SOX5: variants seen among roughly 807,000 people sequenced by gnomAD.
SOX5 encodes the protein transcription factor SOX-5.
SOX5 carries 9 observed loss-of-function variants against 92.0 expected under a neutral mutation model. That is an observed-to-expected ratio of 0.10 (90% CI 0.06 to 0.17). The LOEUF (loss-of-function observed/expected upper bound fraction) is 0.17, where lower values mean the gene tolerates loss of function less well. Among genes scored for constraint, SOX5 ranks in the 10% least tolerant of loss-of-function variants. The pLI is 1.00. For missense variants in SOX5, 642 were observed against 944.5 expected, an observed-to-expected ratio of 0.68 and a Z score of 4.20; for synonymous variants, 344 against 336.3, an observed-to-expected ratio of 1.02 and a Z score of -0.25.
At chr12:24,287,256 T>C (rs192356969) in intron 2 of SOX5, among the ~76,000 whole-genome samples, 8 of 152,342 alleles carry the variant, frequency 5.3e-5, no homozygotes, top group Non-Finnish European at 1.5e-5. Context: ...TATTTTTAGT[T>C]AATAAAACAC....
At chr12:24,367,152 GC>G (rs1956257575) in intron 2 of SOX5, among the ~76,000 whole-genome samples, 1 of 151,978 alleles carries the variant, frequency 6.6e-6, no homozygotes, top group African/African-American at 2.4e-5. Context: ...TAATTATGGG[GC>G]CCCTAAAAGT....
chr12:23,839,266 AAGAG>A (rs2096481965), intron 3 of SOX5, among the ~76,000 whole-genome samples: 1 of 152,098 alleles, frequency 6.6e-6, no homozygotes, highest in Non-Finnish European at 1.5e-5. Flanking sequence ...CTTCCAAATT[AAGAG>A]TCTATGTATC....
chr12:23,953,089 T>A (rs1480946117), upstream of SOX5, among the ~76,000 whole-genome samples: 1 of 152,146 alleles, frequency 6.6e-6, no homozygotes, highest in Non-Finnish European at 1.5e-5. Flanking sequence ...TTGAATATTT[T>A]AAAATGTACC....
At chr12:24,282,336 A>G (rs1945308978) in intron 2 of SOX5, among the ~76,000 whole-genome samples, 1 of 152,102 alleles carries the variant, frequency 6.6e-6, no homozygotes, top group Non-Finnish European at 1.5e-5. Context: ...GTGCACATGT[A>G]CCCTAAAACT....
chr12:23,762,940 T>G (rs2094604903), intron 3 of SOX5, among the ~76,000 whole-genome samples: 1 of 152,194 alleles, frequency 6.6e-6, no homozygotes, highest in Non-Finnish European at 1.5e-5. Flanking sequence ...TCATCCACTC[T>G]ATCACTCACA....
intron 1 of SOX5, among the ~76,000 whole-genome samples, chr12:24,470,515 G>A (rs1423374836): frequency 6.6e-6 from 1 of 151,428 alleles, no homozygotes; most frequent in Admixed American, 6.6e-5. Flanking sequence ...CATTCATAAG[G>A]GTGTTTGATC....
Position 24,548,405 on chromosome 12 carries a change from T to C in SOX5, c.-251+13924A>G, listed in dbSNP as rs1952849060. 3.3e-5 allele frequency among the ~76,000 whole-genome samples: 5 copies of C among 152,152 alleles called. 1 individual carries two copies. Among genetic ancestry groups the C allele is most frequent in the Admixed American group, 3.3e-4 (5 of 15,280 alleles). ...AAAGAGTAAAATGTAATTTGGAAAT[T>C]AAGGGATGGGCAGGATTTTAGAATA... On this transcript the variant is annotated intron_variant, in intron 1 of 4. Transcript: ENST00000446891.
chr12:24,052,600 G>A (rs1957670517), intron 4 of SOX5, among the ~76,000 whole-genome samples: 1 of 152,124 alleles, frequency 6.6e-6, no homozygotes, highest in South Asian at 2.1e-4. Context: ...AGCAGTTAGT[G>A]TTGTCAGAAT....
chr12:23,917,688 A>T (rs1188540123), intron 1 of SOX5, among the ~76,000 whole-genome samples: 2 of 152,194 alleles, frequency 1.3e-5, no homozygotes, highest in Admixed American at 6.5e-5. Flanking sequence ...TTTATCAGAA[A>T]TGCTAGATAG....
intron 6 of SOX5, among the ~76,000 whole-genome samples, chr12:23,667,765 A>C (rs2084055667): frequency 6.6e-6 from 1 of 152,206 alleles, no homozygotes; most frequent in African/African-American, 2.4e-5. Context: ...AGTCCCAGTG[A>C]TTGGTTTTTA....
intron 4 of SOX5, among the ~76,000 whole-genome samples, chr12:24,121,141 G>A (rs938630362): frequency 2.0e-5 from 3 of 152,120 alleles, no homozygotes; most frequent in Admixed American, 6.5e-5. Flanking sequence ...ATTCTACGTT[G>A]TAACATTATT....
chr12:24,218,320 T>A (rs2139762400), intron 3 of SOX5, among the ~76,000 whole-genome samples: 1 of 152,242 alleles, frequency 6.6e-6, no homozygotes, highest in South Asian at 2.1e-4. Flanking sequence ...ATACAATACA[T>A]ATTACAGCAC....
chr12:24,189,736 T>C lies in SOX5; in HGVS notation c.-2+23607A>G, dbSNP rs185695295. Among the ~76,000 whole-genome samples, 27 of 152,326 alleles carry C rather than the reference T, an allele frequency of 1.8e-4. No homozygotes were observed. In the East Asian group the frequency reaches 3.5e-3, roughly 20 times the overall value. ...TTCTCAGTAAAGTCATATTGTGTCT[T>C]CTTTCTCATTGGCTCTATGCACTAT... On this transcript the variant is annotated intron_variant, in intron 4 of 4. Coordinates refer to the SOX5 transcript ENST00000446891.
At chr12:23,854,058 T>G (rs932852694) in intron 2 of SOX5, among the ~76,000 whole-genome samples, 9 of 152,148 alleles carry the variant, frequency 5.9e-5, no homozygotes, top group Admixed American at 5.2e-4. Context: ...TAAATATCTA[T>G]TCACTCTATG....
At chr12:23,995,867 G>A (rs774738461) in intron 4 of SOX5, among the ~76,000 whole-genome samples, 7 of 152,114 alleles carry the variant, frequency 4.6e-5, no homozygotes, top group Non-Finnish European at 7.4e-5. Flanking sequence ...TTCAGTAGCA[G>A]GTTAAACCTC....
chr12:24,107,348 A>C (rs1946806243), intron 4 of SOX5, among the ~76,000 whole-genome samples: 1 of 152,226 alleles, frequency 6.6e-6, no homozygotes, highest in Non-Finnish European at 1.5e-5. Context: ...AGAATGATTG[A>C]GTTGCTAACA....
chr12:23,886,737 G>A (rs1040271888), intron 2 of SOX5, among the ~76,000 whole-genome samples: 1 of 151,868 alleles, frequency 6.6e-6, no homozygotes, highest in Non-Finnish European at 1.5e-5. Flanking sequence ...AATTAAAAAA[G>A]AAATAAATTT....
chr12:24,220,306 A>T (rs1191603808), intron 3 of SOX5, among the ~76,000 whole-genome samples: 2 of 152,262 alleles, frequency 1.3e-5, no homozygotes. Context: ...CCAAAACATT[A>T]ATGTTCCAAA....
intron 4 of SOX5, among the ~76,000 whole-genome samples, chr12:24,046,057 C>G (rs1240310406): frequency 6.6e-6 from 1 of 152,182 alleles, no homozygotes; most frequent in African/African-American, 2.4e-5. Context: ...AGTCCCTTGA[C>G]AGGAAATGAG....
Sources: allele counts gnomAD v4.1 joint callset (sites outside exome capture counted in the v4.1 genomes callset), GRCh38; gene constraint gnomAD v4.1.1; transcripts MANE v1.5; gene names NCBI Gene and HGNC (gene_info 2026-07-23, HGNC 2026-07-21).